CNTNAP2: variants seen among roughly 807,000 people sequenced by gnomAD.
CNTNAP2 encodes the protein contactin associated protein 2, also known as contactin-associated protein-like 2.
Under a neutral mutation model 155.2 loss-of-function variants are expected in CNTNAP2, and 98 were observed. That is an observed-to-expected ratio of 0.63 (90% CI 0.54 to 0.75). The LOEUF (loss-of-function observed/expected upper bound fraction) is 0.75. CNTNAP2 is among the 30% of genes least tolerant of loss of function. The probability of loss-of-function intolerance (pLI) is 0.00; values close to 1 mark genes in which losing one functional copy is unlikely to be tolerated. For missense variants in CNTNAP2, 1,727 were observed against 1,688.1 expected, an observed-to-expected ratio of 1.02 and a Z score of -0.40; for synonymous variants, 651 against 631.2, an observed-to-expected ratio of 1.03 and a Z score of -0.47.
intron 13 of CNTNAP2, among the ~76,000 whole-genome samples, chr7:147,831,314 T>C (rs1798541398): frequency 6.6e-6 from 1 of 152,240 alleles, no homozygotes; most frequent in African/African-American, 2.4e-5. Context: ...AAAATAATTA[T>C]ATGCTACTAA....
At chr7:146,914,609 G>T (rs1229172589) in intron 3 of CNTNAP2, among the ~76,000 whole-genome samples, 1 of 151,954 alleles carries the variant, frequency 6.6e-6, no homozygotes, top group Admixed American at 6.6e-5. Flanking sequence ...TTTGAGAATT[G>T]TATATTCATG....
intron 4 of CNTNAP2, among the ~76,000 whole-genome samples, chr7:147,095,522 T>C (rs965512435): frequency 6.6e-6 from 1 of 151,456 alleles, no homozygotes; most frequent in Non-Finnish European, 1.5e-5. Flanking sequence ...AATTTATATA[T>C]GTATATATAT....
intron 18 of CNTNAP2, among the ~76,000 whole-genome samples, chr7:148,206,113 A>AT (rs547154428): frequency 2.7e-4 from 41 of 151,154 alleles, no homozygotes; most frequent in Admixed American, 5.3e-4. Flanking sequence ...TCATATATAT[A>AT]TTTTTTTATA....
At chr7:146,193,054 C>T (rs997806694) in intron 1 of CNTNAP2, among the ~76,000 whole-genome samples, 4 of 152,210 alleles carry the variant, frequency 2.6e-5, no homozygotes, top group Admixed American at 6.5e-5. Context: ...TGTCTCACAT[C>T]CAGGACATGC....
At chr7:147,704,033 A>G (rs1442742291) in intron 13 of CNTNAP2, among the ~76,000 whole-genome samples, 1 of 152,134 alleles carries the variant, frequency 6.6e-6, no homozygotes, top group African/African-American at 2.4e-5. Flanking sequence ...TAAATGACAT[A>G]ATTTCATTCT....
At chr7:147,998,770 C>A (rs1031511011) in intron 15 of CNTNAP2, among the ~76,000 whole-genome samples, 3 of 152,056 alleles carry the variant, frequency 2.0e-5, no homozygotes, top group African/African-American at 4.8e-5. Flanking sequence ...TGAGTTGGAA[C>A]CAGAAAAACC....
intron 13 of CNTNAP2, among the ~76,000 whole-genome samples, chr7:147,752,109 G>A (rs1019942897): frequency 6.6e-6 from 1 of 152,168 alleles, no homozygotes; most frequent in Non-Finnish European, 1.5e-5. Flanking sequence ...TTATCTAACT[G>A]ATGAGTCTAA....
At chr7:146,871,344 A>G (rs1795302419) in intron 3 of CNTNAP2, among the ~76,000 whole-genome samples, 1 of 152,100 alleles carries the variant, frequency 6.6e-6, no homozygotes, top group African/African-American at 2.4e-5. Context: ...CAGCCTGGCT[A>G]AAATGATGAA....
At chr7:147,665,224 T>A (rs572058069) in intron 13 of CNTNAP2, among the ~76,000 whole-genome samples, 1 of 152,300 alleles carries the variant, frequency 6.6e-6, no homozygotes, top group East Asian at 1.9e-4. Flanking sequence ...AATTTAAGAG[T>A]ATTAGATATA....
intron 1 of CNTNAP2, among the ~76,000 whole-genome samples, chr7:146,721,426 CTA>C (rs1369999765): frequency 4.8e-5 from 6 of 126,158 alleles, no homozygotes; most frequent in Non-Finnish European, 7.8e-5. Flanking sequence ...TATATACATT[CTA>C]TATATATTCT....
At chr7:147,218,830 C>G (rs773458475) in intron 8 of CNTNAP2, among the ~76,000 whole-genome samples, 1 of 152,146 alleles carries the variant, frequency 6.6e-6, no homozygotes, top group Non-Finnish European at 1.5e-5. Flanking sequence ...GTGTTAAAGT[C>G]TCCAACTATA....
intron 15 of CNTNAP2, 124 bp from the exon 16 acceptor site, chr7:148,117,994 C>T: frequency 8.9e-7 from 1 of 1,124,786 alleles, no homozygotes; most frequent in Non-Finnish European, 1.3e-6. Context: ...TGTTGTTCAA[C>T]AGAATGAGAG....
intron 1 of CNTNAP2, among the ~76,000 whole-genome samples, chr7:146,328,924 A>G (rs943599942): frequency 4.6e-5 from 7 of 152,102 alleles, no homozygotes; most frequent in African/African-American, 1.7e-4. Flanking sequence ...TTCTTTACCA[A>G]TTTATCTGCT....
chr7:148,268,118 GAT>G lies in CNTNAP2; in HGVS notation c.3475+995_3475+996del, dbSNP rs1424681252. ...TTACACCCTAAATTTTTAAAATATC[GAT>G]ATGATTGGTGAAGTATTTTAAAATA... On this transcript the variant is annotated intron_variant, in intron 21 of 23. Coordinates refer to ENST00000361727, the MANE Select transcript of CNTNAP2 (RefSeq NM_014141.6). 3.9e-5 allele frequency among the ~76,000 whole-genome samples: 6 copies of G among 152,180 alleles called. 1 individual carries two copies. Among genetic ancestry groups the G allele is most frequent in the Admixed American group, 3.9e-4 (6 of 15,288 alleles).
chr7:148,181,961 G>A (rs1795046617), intron 18 of CNTNAP2, among the ~76,000 whole-genome samples: 1 of 151,670 alleles, frequency 6.6e-6, no homozygotes, highest in African/African-American at 2.4e-5. Flanking sequence ...GTTTCACCAT[G>A]TTGGCCAGGA....
chr7:147,047,976 T>TATC (rs1485638057), intron 4 of CNTNAP2, among the ~76,000 whole-genome samples: 1 of 152,070 alleles, frequency 6.6e-6, no homozygotes, highest in African/African-American at 2.4e-5. Flanking sequence ...GGTAATGGCC[T>TATC]ATCATAACAT....
At chr7:147,852,001 G>A (rs1798952631) in intron 13 of CNTNAP2, among the ~76,000 whole-genome samples, 1 of 152,076 alleles carries the variant, frequency 6.6e-6, no homozygotes, top group Non-Finnish European at 1.5e-5. Context: ...AATGTAGCTA[G>A]TATAAGAACT....
intron 14 of CNTNAP2, among the ~76,000 whole-genome samples, chr7:147,925,252 C>G (rs894741019): frequency 6.6e-6 from 1 of 150,976 alleles, no homozygotes; most frequent in Non-Finnish European, 1.5e-5. Flanking sequence ...CCCCCTACCC[C>G]CTACACATAT....
At chr7:146,493,764 A>G (rs1376447166) in intron 1 of CNTNAP2, among the ~76,000 whole-genome samples, 1 of 152,196 alleles carries the variant, frequency 6.6e-6, no homozygotes, top group East Asian at 1.9e-4. Flanking sequence ...AGAGAATAAG[A>G]TAAAAATACA....
Sources: allele counts gnomAD v4.1 joint callset (sites outside exome capture counted in the v4.1 genomes callset), GRCh38; gene constraint gnomAD v4.1.1; transcripts MANE v1.5; gene names NCBI Gene and HGNC (gene_info 2026-07-23, HGNC 2026-07-21).